The following LRRC4C variants were observed in gnomAD, a reference collection of about 807,000 sequenced individuals.
LRRC4C encodes the protein leucine-rich repeat-containing protein 4C.
In LRRC4C, 5 loss-of-function variants were observed where a neutral mutation model predicts 33.6. The observed-to-expected ratio is 0.15, with a 90% CI of 0.08 to 0.31. The LOEUF is 0.31. LRRC4C is among the 10% of genes least tolerant of loss of function. LRRC4C has a pLI of 1.00. For missense variants in LRRC4C, 560 were observed against 796.7 expected, an observed-to-expected ratio of 0.70 and a Z score of 3.58; for synonymous variants, 329 against 302.0, an observed-to-expected ratio of 1.09 and a Z score of -0.93.
At chr11:40,326,564 AAAAAG>A (rs1354523749) in intron 3 of LRRC4C, among the ~76,000 whole-genome samples, 1 of 152,140 alleles carries the variant, frequency 6.6e-6, no homozygotes, top group Non-Finnish European at 1.5e-5. Flanking sequence ...AAAAAAAAAA[AAAAAG>A]AAGAAGTCTA....
At chr11:41,128,545 A>T (rs1942858598) in intron 1 of LRRC4C, among the ~76,000 whole-genome samples, 2 of 152,074 alleles carry the variant, frequency 1.3e-5, no homozygotes. Context: ...CACAACTTTC[A>T]TGACAAGTGG....
intron 3 of LRRC4C, among the ~76,000 whole-genome samples, chr11:40,568,523 C>G (rs1278216038): frequency 6.6e-6 from 1 of 152,120 alleles, no homozygotes; most frequent in Non-Finnish European, 1.5e-5. Flanking sequence ...TCAAATAGCA[C>G]TAACTAAGTA....
At chr11:40,634,621 G>A (rs1963790550) in intron 3 of LRRC4C, among the ~76,000 whole-genome samples, 1 of 152,008 alleles carries the variant, frequency 6.6e-6, no homozygotes, top group African/African-American at 2.4e-5. Context: ...TGTAATCCTA[G>A]TACTTTGGAA....
At chr11:40,851,322 A>G (rs1565133333) in intron 2 of LRRC4C, among the ~76,000 whole-genome samples, 1 of 152,150 alleles carries the variant, frequency 6.6e-6, no homozygotes. Context: ...GGAAAGGCGT[A>G]GCATCTGGGT....
At chr11:40,249,422 T>C (rs1346436580) in intron 4 of LRRC4C, among the ~76,000 whole-genome samples, 1 of 151,970 alleles carries the variant, frequency 6.6e-6, no homozygotes, top group Non-Finnish European at 1.5e-5. Context: ...ATTATAAAAT[T>C]CACTGAATTC....
intron 1 of LRRC4C, among the ~76,000 whole-genome samples, chr11:40,963,097 A>C (rs970812706): frequency 6.6e-6 from 1 of 151,722 alleles, no homozygotes; most frequent in Admixed American, 6.6e-5. Flanking sequence ...TGGAGTGATC[A>C]GATTGCAGTC....
intron 1 of LRRC4C, among the ~76,000 whole-genome samples, chr11:41,032,459 G>GT (rs1856782858): frequency 6.6e-6 from 1 of 151,620 alleles, no homozygotes; most frequent in Admixed American, 6.6e-5. Context: ...CTGTGTGTGT[G>GT]GTTTTTTTTT....
At chr11:41,425,327 G>A (rs1403747849) in intron 1 of LRRC4C, among the ~76,000 whole-genome samples, 1 of 151,994 alleles carries the variant, frequency 6.6e-6, no homozygotes, top group Admixed American at 6.6e-5. Context: ...CAAATTGGTC[G>A]GTTTCCCAGT....
intron 1 of LRRC4C, among the ~76,000 whole-genome samples, chr11:41,351,560 A>C (rs1352612426): frequency 6.6e-6 from 1 of 152,174 alleles, no homozygotes; most frequent in Non-Finnish European, 1.5e-5. Flanking sequence ...TCCAAGATGA[A>C]CACATAAGAA....
chr11:41,289,548 G>T (rs1949933614), intron 1 of LRRC4C, among the ~76,000 whole-genome samples: 1 of 152,132 alleles, frequency 6.6e-6, no homozygotes, highest in African/African-American at 2.4e-5. Flanking sequence ...ATGGCAGAGA[G>T]TTCTCCCCTT....
At chr11:40,614,225 T>G (rs543100332) in intron 3 of LRRC4C, among the ~76,000 whole-genome samples, 2 of 147,356 alleles carry the variant, frequency 1.4e-5, no homozygotes, top group Non-Finnish European at 2.9e-5. Context: ...GAAAATCTGT[T>G]GTTTGGTGTA....
At chr11:40,692,633 C>T (rs960649408) in intron 2 of LRRC4C, among the ~76,000 whole-genome samples, 2 of 151,958 alleles carry the variant, frequency 1.3e-5, no homozygotes, top group African/African-American at 4.8e-5. Flanking sequence ...TATCCTTGTT[C>T]ATGAGATGAT....
chr11:40,580,058 G>GGTGT (rs72110597), intron 3 of LRRC4C, among the ~76,000 whole-genome samples: 2,354 of 145,502 alleles, frequency 0.016, 64 homozygotes, highest in African/African-American at 0.056. Context: ...GTACTTTTCA[G>GGTGT]GTGTGTGTGT....
chr11:40,589,116 C>T (rs990859793), intron 3 of LRRC4C, among the ~76,000 whole-genome samples: 1 of 152,086 alleles, frequency 6.6e-6, no homozygotes, highest in Non-Finnish European at 1.5e-5. Context: ...GAGTCTAAGT[C>T]TCTTTGTAGG....
At chr11:40,503,382 T>C (rs1954872927) in intron 3 of LRRC4C, among the ~76,000 whole-genome samples, 1 of 152,218 alleles carries the variant, frequency 6.6e-6, no homozygotes, top group South Asian at 2.1e-4. Context: ...GTTGAATAAA[T>C]GAATTACACT....
chr11:40,425,426 G>A (rs929910411), intron 3 of LRRC4C, among the ~76,000 whole-genome samples: 3 of 152,118 alleles, frequency 2.0e-5, no homozygotes, highest in Non-Finnish European at 4.4e-5. Flanking sequence ...TTTTGTTTGC[G>A]TCCTTGCTGT....
chr11:40,801,239 T>A (rs1461279884), intron 2 of LRRC4C, among the ~76,000 whole-genome samples: 1 of 152,068 alleles, frequency 6.6e-6, no homozygotes, highest in African/African-American at 2.4e-5. Flanking sequence ...ATGAGAAAAA[T>A]TTTATCTATT....
intron 2 of LRRC4C, among the ~76,000 whole-genome samples, chr11:40,857,282 G>A (rs1223655576): frequency 6.6e-6 from 1 of 152,120 alleles, no homozygotes; most frequent in Non-Finnish European, 1.5e-5. Context: ...GTGGTTTGCT[G>A]TACTCATCAA....
chr11:41,376,418 C>A (rs1952938321), intron 1 of LRRC4C, among the ~76,000 whole-genome samples: 1 of 152,140 alleles, frequency 6.6e-6, no homozygotes, highest in Non-Finnish European at 1.5e-5. Flanking sequence ...CAAATCTCAG[C>A]TCTACAAAAG....
Sources: allele counts gnomAD v4.1 joint callset (sites outside exome capture counted in the v4.1 genomes callset), GRCh38; gene constraint gnomAD v4.1.1; transcripts MANE v1.5; gene names NCBI Gene and HGNC (gene_info 2026-07-23, HGNC 2026-07-21).